The following EPPK1 variants were observed in gnomAD, a reference collection of about 807,000 sequenced individuals.
EPPK1 encodes epiplakin.
For synonymous variants in EPPK1, 1,862 were observed against 1,721.2 expected (o/e 1.08, Z -2.03); for missense variants, 3,823 against 3,673.3 (o/e 1.04, Z -1.05).
At chr8:143,875,255 C>A (rs1819457429) in intron 1 of EPPK1, among the ~76,000 whole-genome samples, 2 of 152,328 alleles carry the variant, frequency 1.3e-5, no homozygotes, top group African/African-American at 4.8e-5. Flanking sequence ...GCTCCAGGGG[C>A]AACTCTGAGG....
At position 143,872,657 on chromosome 8, in the gene EPPK1, G is replaced by T; in HGVS notation, c.597C>A (p.Arg199=). The part of the protein sequence containing the change: ...SELEPGTGDL[R]FLDPNTLERL... ...GCTCCAGCGTGTTGGGGTCGAGGAA[G>T]CGCAGGTCACCTGTGCCAGGCTCAA... is the stretch of plus-strand genomic sequence containing the variant. Residue 199 remains arginine, a synonymous_variant, in exon 2 of 2, where the codon CGC becomes CGA. Transcript: ENST00000615648. 1 of 1,609,044 alleles carries T rather than the reference G, an allele frequency of 6.2e-7. No homozygotes were observed.
In EPPK1 at chr8:143,870,071, T is replaced by G. The variant is rs782766156; in HGVS notation, c.3183A>C (p.Pro1061=). The change falls in exon 2 of 2, where the codon CCA becomes CCC. Residue 1061 remains proline (P), a synonymous_variant. Coordinates refer to ENST00000615648, the MANE Select transcript of EPPK1 (RefSeq NM_031308.4). The surrounding 1 kb of genome is among the most constrained non-coding windows in gnomAD (Gnocchi z 5.2). ...CAACATAGCCACGCTGAATGGCCACTGGCATGGGGAGGTGGTGGTGGCTGG... is the reference window on the plus strand; with the variant it reads ...CAACATAGCCACGCTGAATGGCCACGGGCATGGGGAGGTGGTGGTGGCTGG... ...DPTSHHHLPM[P]VAIQRGYVDQ... 1 of 1,610,594 alleles carries G rather than the reference T, an allele frequency of 6.2e-7. No individual in the cohort carries two copies. Among genetic ancestry groups the G allele is most frequent in the Admixed American group, 1.7e-5 (1 of 59,654 alleles).
In EPPK1 at chr8:143,869,026, C is replaced by T. The variant is rs782093907; in HGVS notation, c.4228G>A (p.Asp1410Asn). ...CTGAGCTGCTGGTAGGTCACCTGGT[C>T]CCGCGCACTGGGGTCAAAGAAGAAC... ...NKFFFDPSAR[D>N]QVTYQQLRER... Residue 1410 changes from aspartate to asparagine, a missense_variant, in exon 2 of 2, where the codon GAC (aspartate) becomes AAC (asparagine). Physicochemically the swap from Asp to Asn is conservative, Grantham distance 23. Transcript: ENST00000615648. 9.3e-6 allele frequency: 15 copies of T among 1,610,156 alleles called. No homozygotes were observed. The highest frequency in any genetic ancestry group is 1.2e-5 in the Non-Finnish European group (14 of 1,179,856).
chr8:143,877,328 AG>A (rs1819501087), intron 1 of EPPK1, among the ~76,000 whole-genome samples: 3 of 149,962 alleles, frequency 2.0e-5, no homozygotes, highest in Admixed American at 1.3e-4. Context: ...GTCCGGAGCG[AG>A]GGGGGGCAGG....
intron 1 of EPPK1, among the ~76,000 whole-genome samples, chr8:143,876,419 C>G (rs1481782703): frequency 6.6e-6 from 1 of 152,198 alleles, no homozygotes; most frequent in Non-Finnish European, 1.5e-5. Context: ...AGGAAGAGGC[C>G]AGGCTCAAGG....
rs1819100228 is a variant in EPPK1, at chr8:143,866,227, T to C, written c.7027A>G (p.Ile2343Val). ...GGGTCGATGACGCCGCCCGTGGCGATCTGGGCCTCCAGCAGGCGGATGCCG... is the reference window on the plus strand; with the variant it reads ...GGGTCGATGACGCCGCCCGTGGCGACCTGGGCCTCCAGCAGGCGGATGCCG... The part of the protein sequence containing the change: ...EHGIRLLEAQ[I>V]ATGGVIDPVH... Residue 2343 changes from isoleucine (I) to valine (V), a missense_variant, in exon 2 of 2, where the codon ATC (isoleucine) becomes GTC (valine). By Grantham distance (29) the Ile-to-Val change is conservative. Coordinates refer to ENST00000615648, the MANE Select transcript of EPPK1 (RefSeq NM_031308.4). 3.5e-5 allele frequency: 16 copies of C among 456,724 alleles called. No homozygotes were observed. The highest frequency in any genetic ancestry group is 1.3e-4 in the African/African-American group (2 of 15,024). 28.3% of individuals were successfully genotyped at this position (456,724 alleles called of 1,614,324 possible). A position where few individuals can be genotyped will look rare whatever the true frequency, so the allele number is the denominator to read the frequency against.
At position 143,866,963 on chromosome 8, in the gene EPPK1, G is replaced by A. The variant is rs782773843; in HGVS notation, c.6291C>T (p.Asp2097=). The A allele has an allele frequency of 2.5e-5, 40 of 1,612,570 alleles. No individual in the cohort carries two copies. The Admixed American group carries it at 3.8e-4, about 15-fold the overall frequency. ...CTGCCTCCAGGGCCCTTCTCGTCTC[G>A]TCATCGATGTGCTCGGAGTCCCGTG... ...KAARDSEHID[D]ETRRALEAEQ... Residue 2097 remains aspartate, a synonymous_variant, in exon 2 of 2, where the codon GAC becomes GAT. Transcript: ENST00000615648.
chr8:143,871,218 G>A lies in EPPK1; in HGVS notation c.2036C>T (p.Ala679Val), dbSNP rs142055364. The stretch of plus-strand genomic sequence containing the variant: ...AGCGCGCTCAGCCGACAGCAGCTTC[G>A]CGAACACATCAGGCCCAATGACAGC... ...RAAVIGPDVF[A>V]KLLSAERAVT... Residue 679 changes from alanine (A) to valine (V), a missense_variant, in exon 2 of 2, where the codon GCG becomes GTG. Transcript: ENST00000615648. The A allele has an allele frequency of 2.0e-4, 319 of 1,613,216 alleles. No homozygotes were observed. In the East Asian group the frequency reaches 5.1e-3, roughly 26 times the overall value.
Position 143,870,759 on chromosome 8 carries a change from G to C in EPPK1, c.2495C>G (p.Ser832Cys). The C allele has an allele frequency of 6.2e-7, 1 of 1,612,598 alleles. No individual in the cohort carries two copies. The highest frequency in any genetic ancestry group is 2.2e-5 in the East Asian group (1 of 44,872). ...KYGRFQGQRV[S>C]AWELINSEYF... ...CTCAGAGTTGATCAGCTCCCACGCG[G>C]AGACCCTCTGCCCCTGAAACCGTCC... Residue 832 changes from serine (S) to cysteine (C), a missense_variant, in exon 2 of 2, where the codon TCC (serine) becomes TGC (cysteine). Physicochemically the swap from Ser to Cys is moderately radical, Grantham distance 112. Coordinates refer to ENST00000615648, the MANE Select transcript of EPPK1 (RefSeq NM_031308.4). This position sits in a 1 kb window ranked among gnomAD's most constrained non-coding sequence, Gnocchi z 5.2.
Position 143,868,846 on chromosome 8 carries a change from A to AGAGT in EPPK1, c.4404_4407dup (p.Trp1470ThrfsTer13). ...ACGTATTCGGAGAGCAGCAGGTCCCAGAGTGACACGCTACACCCCTTAAAC... is the reference window on the plus strand; with the variant it reads ...ACGTATTCGGAGAGCAGCAGGTCCCAGAGTGAGTGACACGCTACACCCCTTAAAC... On this transcript the variant is annotated frameshift_variant, in exon 2 of 2. Transcript: ENST00000615648. LOFTEE classifies it low-confidence loss of function (END_TRUNC). The AGAGT allele has an allele frequency of 3.1e-6, 5 of 1,608,304 alleles. No individual in the cohort carries two copies. The highest frequency in any genetic ancestry group is 4.2e-6 in the Non-Finnish European group (5 of 1,179,710).
Position 143,866,967 on chromosome 8 carries a change from T to A in EPPK1, c.6287A>T (p.Asp2096Val). The change falls in exon 2 of 2, where the codon GAT (aspartate) becomes GTT (valine). Residue 2096 changes from aspartate (D) to valine (V), a missense_variant. By Grantham distance (152) the Asp-to-Val change is radical. Transcript: ENST00000615648. ...NKAARDSEHI[D>V]DETRRALEAE... ...CTCCAGGGCCCTTCTCGTCTCGTCA[T>A]CGATGTGCTCGGAGTCCCGTGCAGC... 6.2e-7 allele frequency: 1 copy of A among 1,612,862 alleles called. No homozygotes were observed. Among genetic ancestry groups the A allele is most frequent in the Non-Finnish European group, 8.5e-7 (1 of 1,179,866 alleles).
At position 143,869,911 on chromosome 8, in the gene EPPK1, G is replaced by A. The variant is rs1217999251; in HGVS notation, c.3343C>T (p.Leu1115=). Residue 1115 remains leucine (L), a synonymous_variant, in exon 2 of 2, where the codon CTG becomes TTG. Transcript: ENST00000615648. ...DETSGLHLLP[L]PESAPALPTE... ...GGGAGGGCAGGAGCACTTTCTGGCA[G>A]GGGCAGGAGGTGAAGGCCAGAAGTC... 1.2e-6 allele frequency: 2 copies of A among 1,609,220 alleles called. No individual in the cohort carries two copies. Among genetic ancestry groups the A allele is most frequent in the Non-Finnish European group, 1.7e-6 (2 of 1,178,336 alleles).
rs1819374850 is a variant in EPPK1, at chr8:143,872,148, G to A, written c.1106C>T (p.Pro369Leu). 6.3e-7 allele frequency: 1 copy of A among 1,579,336 alleles called. No homozygotes were observed. Among genetic ancestry groups the A allele is most frequent in the South Asian group, 1.2e-5 (1 of 86,786 alleles). The change falls in exon 2 of 2, where the codon CCC becomes CTC. Residue 369 changes from proline to leucine, a missense_variant. Physicochemically the swap from Pro to Leu is moderately conservative, Grantham distance 98. Coordinates refer to ENST00000615648, the MANE Select transcript of EPPK1 (RefSeq NM_031308.4). ...AAGGGGGATTTGGGAGCCACTGAAG[G>A]GGTCGTGGTGCCCTGTCACGGCCTG... ...AEQAVTGHHD[P>L]FSGSQIPLFQ...
chr8:143,875,636 G>C (rs1554662227), intron 1 of EPPK1, among the ~76,000 whole-genome samples: 2 of 152,262 alleles, frequency 1.3e-5, no homozygotes, highest in Admixed American at 1.3e-4. Context: ...ACAAGAGGCT[G>C]CAGACGTCTG....
rs782763476 is a variant in EPPK1 at position 143,869,661 on chromosome 8, C to T, written c.3593G>A (p.Gly1198Asp). Residue 1198 changes from glycine (G) to aspartate (D), a missense_variant, in exon 2 of 2, where the codon GGC becomes GAC. Gly to Asp is a moderately conservative substitution (Grantham distance 94). Transcript: ENST00000615648. ...GACAGCGGGTACCTCACCCCGTGGG[C>T]CGGGCACCATGACGCGGGCCTGGGC... ...LLAQARVMVP[G>D]PRGEVPAVWL... The T allele has an allele frequency of 3.1e-6, 5 of 1,595,208 alleles. No individual in the cohort carries two copies. The highest frequency in any genetic ancestry group is 4.3e-6 in the Non-Finnish European group (5 of 1,171,878).
In EPPK1 at chr8:143,869,843, C is replaced by G; in HGVS notation, c.3411G>C (p.Gly1137=). ...CCCAGAGGGATGTGCCATCCTTGGC[C>G]CCCGGCACGGCCTGCAGGCTCCTCT... is the stretch of plus-strand genomic sequence containing the variant. ...QVQRSLQAVP[G]AKDGTSLWDL... The change falls in exon 2 of 2, where the codon GGG becomes GGC. Residue 1137 remains glycine (G), a synonymous_variant. Transcript: ENST00000615648. 6.3e-7 allele frequency: 1 copy of G among 1,598,990 alleles called. No homozygotes were observed.
chr8:143,866,011 G>A lies in EPPK1; in HGVS notation c.7243C>T (p.Leu2415=). ...GCGGAGCCCCGGCCTGCCAGCTGCAGCATGTAGAGCCCGGTGTCCGGGTCG... is the reference window on the plus strand; with the variant it reads ...GCGGAGCCCCGGCCTGCCAGCTGCAACATGTAGAGCCCGGTGTCCGGGTCG... ...VPDPDTGLYM[L]QLAGRGSAVH... Residue 2415 remains leucine (L), a synonymous_variant, in exon 2 of 2, where the codon CTG becomes TTG. Coordinates refer to ENST00000615648, the MANE Select transcript of EPPK1 (RefSeq NM_031308.4). 6.4e-6 allele frequency: 1 copy of A among 155,990 alleles called. No individual in the cohort carries two copies. Among genetic ancestry groups the A allele is most frequent in the Non-Finnish European group, 1.1e-5 (1 of 94,998 alleles). The allele number at this position is 155,990 out of a possible 1,614,324, so 9.7% of individuals were successfully genotyped here.
chr8:143,869,278 C>T lies in EPPK1; in HGVS notation c.3976G>A (p.Gly1326Arg), dbSNP rs199499630. 2.4e-4 allele frequency: 383 copies of T among 1,605,008 alleles called. No individual in the cohort carries two copies. Among genetic ancestry groups the T allele is most frequent in the Admixed American group, 3.4e-4 (20 of 59,474 alleles). ...QLGQAERAAA[G>R]YPDPYSRASL... ...GCCCTAGAGTAGGGATCTGGGTACC[C>T]GGCCGCCGCCCTCTCGGCCTGCCCG... Residue 1326 changes from glycine to arginine, a missense_variant, in exon 2 of 2, where the codon GGG becomes AGG. Gly to Arg is a moderately radical substitution (Grantham distance 125). Transcript: ENST00000615648.
rs372641252 is a variant in EPPK1 at position 143,871,365 on chromosome 8, C to T, written c.1889G>A (p.Arg630Gln). ...GCCGGGCCGGAGGAGCCCCTTGCAT[C>T]GGGCCTCATAGATGCTCAGGCGTTC... ...SQERLSIYEA[R>Q]CKGLLRPGTA... Residue 630 changes from arginine to glutamine, a missense_variant, in exon 2 of 2, where the codon CGA (arginine) becomes CAA (glutamine). Coordinates refer to ENST00000615648, the MANE Select transcript of EPPK1 (RefSeq NM_031308.4). 31 of 1,608,456 alleles carry T rather than the reference C, an allele frequency of 1.9e-5. No homozygotes were observed. In the East Asian group the frequency reaches 5.1e-4, roughly 27 times the overall value.
Sources: allele counts gnomAD v4.1 joint callset (sites outside exome capture counted in the v4.1 genomes callset), GRCh38; gene constraint gnomAD v4.1.1; non-coding constraint Gnocchi (gnomAD v3.1); transcripts MANE v1.5; gene names NCBI Gene and HGNC (gene_info 2026-07-23, HGNC 2026-07-21).